Variants in SLCO3A1 observed in about 807,000 individuals in gnomAD.
The protein encoded by SLCO3A1 is PGE1 transporter.
SLCO3A1 carries 27 observed loss-of-function variants against 63.1 expected under a neutral mutation model. That is an observed-to-expected ratio of 0.43 (90% CI 0.32 to 0.59). SLCO3A1 has a LOEUF of 0.59. SLCO3A1 is among the 20% of genes least tolerant of loss of function. The pLI, the probability that SLCO3A1 is intolerant of heterozygous loss-of-function variation, is 0.09. For synonymous variants in SLCO3A1, 473 were observed against 409.9 expected (o/e 1.15, Z -1.86); for missense variants, 773 against 945.8 (o/e 0.82, Z 2.40).
chr15:92,143,684 G>C (rs2048180881), intron 7 of SLCO3A1, among the ~76,000 whole-genome samples: 1 of 149,186 alleles, frequency 6.7e-6, no homozygotes, highest in East Asian at 2.0e-4. Flanking sequence ...TGTGGTTTTT[G>C]TCATTACTTT....
At chr15:92,087,516 A>ATTTTTTTTTTTTTTTTT (rs34074469) in intron 2 of SLCO3A1, among the ~76,000 whole-genome samples, 1 of 121,768 alleles carries the variant, frequency 8.2e-6, no homozygotes, top group African/African-American at 3.2e-5. Flanking sequence ...ATTATCTATT[A>ATTTTTTTTTTTTTTTTT]TTTTTTTTTT....
chr15:91,961,569 G>A (rs532094761), intron 2 of SLCO3A1, among the ~76,000 whole-genome samples: 102 of 152,326 alleles, frequency 6.7e-4, no homozygotes, highest in African/African-American at 1.4e-3. Flanking sequence ...GCACTTTTCA[G>A]TGTATTTTCC....
At chr15:91,989,193 C>A (rs1202693433) in intron 2 of SLCO3A1, among the ~76,000 whole-genome samples, 1 of 152,210 alleles carries the variant, frequency 6.6e-6, no homozygotes, top group Non-Finnish European at 1.5e-5. Flanking sequence ...TGTGTTCTTG[C>A]TTAGGACCCC....
intron 5 of SLCO3A1, 71 bp from the exon 6 acceptor site, chr15:92,125,990 T>C: frequency 7.3e-7 from 1 of 1,369,042 alleles, no homozygotes; most frequent in Non-Finnish European, 1.0e-6. Flanking sequence ...GCCTCAGGCC[T>C]GCTGCCCGCC....
At chr15:92,064,264 T>C (rs1466398506) in intron 2 of SLCO3A1, among the ~76,000 whole-genome samples, 1 of 152,362 alleles carries the variant, frequency 6.6e-6, no homozygotes, top group East Asian at 1.9e-4. Context: ...TTCAGATCTT[T>C]TGACTGTTTT....
At chr15:91,999,110 G>A (rs535639780) in intron 2 of SLCO3A1, among the ~76,000 whole-genome samples, 1 of 152,254 alleles carries the variant, frequency 6.6e-6, no homozygotes, top group East Asian at 1.9e-4. Context: ...CGTAAAGTCG[G>A]CAATAATAGA....
chr15:91,926,596 T>TGTGGGTGTGTGTGTGTGC, intron 2 of SLCO3A1, among the ~76,000 whole-genome samples: 1 of 105,256 alleles, frequency 9.5e-6, no homozygotes, highest in Non-Finnish European at 2.1e-5. Flanking sequence ...TGTGTGTGTG[T>TGTGGGTGTGTGTGTGTGC]GCGCGCGCGC....
chr15:92,171,728 A>G, intron 10 of SLCO3A1: 1 of 1,327,138 alleles, frequency 7.5e-7, no homozygotes, highest in South Asian at 1.3e-5. Flanking sequence ...GGTGAAGCAG[A>G]AAAGACCGAT....
chr15:91,917,797 T>A (rs1005036222), intron 2 of SLCO3A1, among the ~76,000 whole-genome samples: 1 of 151,932 alleles, frequency 6.6e-6, no homozygotes, highest in African/African-American at 2.4e-5. Context: ...TCCACGTGAG[T>A]TTTTTGCACA....
chr15:91,966,731 A>T (rs988521238), intron 2 of SLCO3A1, among the ~76,000 whole-genome samples: 4 of 152,216 alleles, frequency 2.6e-5, no homozygotes, highest in Admixed American at 2.6e-4. Context: ...GGTGTATTAG[A>T]ATGTCTCAGC....
chr15:91,866,407 A>G (rs2141848100), intron 1 of SLCO3A1, among the ~76,000 whole-genome samples: 1 of 152,172 alleles, frequency 6.6e-6, no homozygotes, highest in East Asian at 1.9e-4. Flanking sequence ...AGTGAGACCA[A>G]AAGAGACTTT....
chr15:92,046,520 ACT>A (rs1364525979), intron 2 of SLCO3A1, among the ~76,000 whole-genome samples: 1 of 152,028 alleles, frequency 6.6e-6, no homozygotes, highest in Non-Finnish European at 1.5e-5. Context: ...ACAGAGTGAG[ACT>A]CTGTCTCAAA....
chr15:92,114,088 A>T (rs2047762511), intron 4 of SLCO3A1, among the ~76,000 whole-genome samples: 1 of 152,162 alleles, frequency 6.6e-6, no homozygotes, highest in Non-Finnish European at 1.5e-5. Flanking sequence ...AACAGGTCAG[A>T]GCTGGTCCTC....
At chr15:92,032,727 G>T (rs1204989730) in intron 2 of SLCO3A1, among the ~76,000 whole-genome samples, 1 of 152,166 alleles carries the variant, frequency 6.6e-6, no homozygotes, top group Non-Finnish European at 1.5e-5. Flanking sequence ...GATGCTCCTG[G>T]CAAAATTTGG....
At chr15:91,937,560 A>G (rs1434046241) in intron 2 of SLCO3A1, among the ~76,000 whole-genome samples, 1 of 152,122 alleles carries the variant, frequency 6.6e-6, no homozygotes, top group Non-Finnish European at 1.5e-5. Context: ...TCTACTAAAA[A>G]TACAAAAAAT....
At chr15:92,101,375 G>T (rs554387184) in intron 3 of SLCO3A1, among the ~76,000 whole-genome samples, 7 of 152,210 alleles carry the variant, frequency 4.6e-5, no homozygotes, top group Non-Finnish European at 1.5e-5. Context: ...CGGGCATGGT[G>T]GTGGGCACCT....
intron 2 of SLCO3A1, among the ~76,000 whole-genome samples, chr15:91,985,108 C>G (rs1270287515): frequency 6.6e-6 from 1 of 152,168 alleles, no homozygotes; most frequent in African/African-American, 2.4e-5. Flanking sequence ...TCGTGGCTCT[C>G]CAAGTCACTC....
chr15:92,057,082 C>T (rs2047030338), intron 2 of SLCO3A1, among the ~76,000 whole-genome samples: 1 of 152,356 alleles, frequency 6.6e-6, no homozygotes, highest in African/African-American at 2.4e-5. Context: ...GCTATCAGAG[C>T]ACCCAGCCAG....
intron 9 of SLCO3A1, among the ~76,000 whole-genome samples, chr15:92,157,427 C>A (rs546637919): frequency 6.6e-6 from 1 of 152,006 alleles, no homozygotes; most frequent in Non-Finnish European, 1.5e-5. Context: ...ACACCTGGCC[C>A]CCCCCCTTGT....
Sources: allele counts gnomAD v4.1 joint callset (sites outside exome capture counted in the v4.1 genomes callset), GRCh38; gene constraint gnomAD v4.1.1; transcripts MANE v1.5; gene names NCBI Gene and HGNC (gene_info 2026-07-23, HGNC 2026-07-21).